Variants in SLC8A1 observed in about 807,000 individuals in gnomAD.
The protein encoded by SLC8A1 is sodium/calcium exchanger 1.
SLC8A1 carries 18 observed loss-of-function variants against 68.3 expected under a neutral mutation model. The observed-to-expected ratio is 0.26, with a 90% CI of 0.18 to 0.39. The LOEUF (loss-of-function observed/expected upper bound fraction) is 0.39. Ranked by LOEUF, SLC8A1 falls within the 10% of genes least tolerant of loss-of-function variation. The pLI, the probability that SLC8A1 is intolerant of heterozygous loss-of-function variation, is 1.00. For missense variants in SLC8A1, 985 were observed against 1,156.7 expected (o/e 0.85, Z 2.15); for synonymous variants, 475 against 415.5 (o/e 1.14, Z -1.74).
chr2:40,438,138 A>T (rs1436310095), intron 1 of SLC8A1, among the ~76,000 whole-genome samples: 1 of 152,178 alleles, frequency 6.6e-6, no homozygotes, highest in Non-Finnish European at 1.5e-5. Flanking sequence ...ATGAGCTCCC[A>T]GAGGCAGAGC....
intron 2 of SLC8A1, among the ~76,000 whole-genome samples, chr2:40,298,933 C>T (rs1315463372): frequency 6.6e-6 from 1 of 152,150 alleles, no homozygotes; most frequent in Non-Finnish European, 1.5e-5. Context: ...CTGACCCCAC[C>T]CCTTTAATCT....
At chr2:40,223,507 A>AGACACTC (rs2058605479) in intron 2 of SLC8A1, 2 of 152,104 alleles carry the variant, frequency 1.3e-5, no homozygotes, top group African/African-American at 2.4e-5. Flanking sequence ...CCAGAACTTA[A>AGACACTC]AGTATATATT....
chr2:40,368,135 C>T (rs1305758775), intron 2 of SLC8A1, among the ~76,000 whole-genome samples: 1 of 151,934 alleles, frequency 6.6e-6, no homozygotes, highest in African/African-American at 2.4e-5. Flanking sequence ...TTGATAAAAA[C>T]GTTAAAGATA....
chr2:40,146,880 A>C (rs570573045), intron 6 of SLC8A1, among the ~76,000 whole-genome samples: 1 of 152,232 alleles, frequency 6.6e-6, no homozygotes, highest in East Asian at 1.9e-4. Context: ...GACTAGTGCT[A>C]CTTCTTAAGG....
upstream of SLC8A1, among the ~76,000 whole-genome samples, chr2:40,455,552 A>G (rs1253879457): frequency 9.0e-6 from 1 of 111,508 alleles, no homozygotes; most frequent in Non-Finnish European, 2.1e-5. Context: ...AGAAAATGTT[A>G]TTACATAATA....
At chr2:40,405,615 G>C (rs1423327825) in intron 2 of SLC8A1, among the ~76,000 whole-genome samples, 1 of 152,136 alleles carries the variant, frequency 6.6e-6, no homozygotes, top group East Asian at 1.9e-4. Context: ...CTTGCATGGT[G>C]GTTTATGGTT....
At chr2:40,354,036 T>C (rs1485273272) in intron 2 of SLC8A1, among the ~76,000 whole-genome samples, 1 of 152,206 alleles carries the variant, frequency 6.6e-6, no homozygotes, top group African/African-American at 2.4e-5. Flanking sequence ...CTTGTGCAGA[T>C]GTTTTTATAG....
At chr2:40,504,745 T>C (rs1706262279) in intron 1 of SLC8A1, among the ~76,000 whole-genome samples, 1 of 151,712 alleles carries the variant, frequency 6.6e-6, no homozygotes, top group South Asian at 2.1e-4. Flanking sequence ...GAAATGCAAA[T>C]CAAAACTAAA....
chr2:40,440,812 A>G (rs892826040), intron 1 of SLC8A1, among the ~76,000 whole-genome samples: 12 of 152,226 alleles, frequency 7.9e-5, no homozygotes, highest in African/African-American at 2.9e-4. Context: ...GCAAGCCAAT[A>G]GCCAATATCA....
intron 2 of SLC8A1, among the ~76,000 whole-genome samples, chr2:40,378,419 C>G (rs948199663): frequency 6.6e-6 from 1 of 152,064 alleles, no homozygotes; most frequent in African/African-American, 2.4e-5. Context: ...CCTAGAAAAA[C>G]TGAAGGAAGC....
At chr2:40,310,870 C>T (rs1429736150) in intron 2 of SLC8A1, among the ~76,000 whole-genome samples, 1 of 152,086 alleles carries the variant, frequency 6.6e-6, no homozygotes, top group Non-Finnish European at 1.5e-5. Flanking sequence ...TACCCTTATA[C>T]TATGTGACAA....
intron 2 of SLC8A1, among the ~76,000 whole-genome samples, chr2:40,380,886 G>A (rs1172525017): frequency 6.6e-6 from 1 of 152,066 alleles, no homozygotes; most frequent in Non-Finnish European, 1.5e-5. Flanking sequence ...AAATCACCCT[G>A]CGTATGGGAT....
chr2:40,396,824 G>C (rs1357782000), intron 2 of SLC8A1, among the ~76,000 whole-genome samples: 1 of 146,252 alleles, frequency 6.8e-6, no homozygotes, highest in Non-Finnish European at 1.5e-5. Context: ...TGTAGTTGCT[G>C]TATCAATGAC....
At position 40,368,185 on chromosome 2, in the gene SLC8A1, A is replaced by T. The variant is rs148732187; in HGVS notation, c.1808+60288T>A. Among the ~76,000 whole-genome samples, 851 of 152,180 alleles carry T rather than the reference A, an allele frequency of 5.6e-3. 5 individuals carry two copies. Among genetic ancestry groups the T allele is most frequent in the African/African-American group, 0.019 (797 of 41,554 alleles). On this transcript the variant is annotated intron_variant, in intron 2 of 7. Transcript: ENST00000406785. Reference sequence around the variant, plus strand: ...CTAACACTTTTTCTAAGGACCACTCATGGTTTGATGGTGAACCAGTTATCA... The same window carrying T: ...CTAACACTTTTTCTAAGGACCACTCTTGGTTTGATGGTGAACCAGTTATCA...
chr2:40,489,489 G>C (rs1000664525), intron 1 of SLC8A1, among the ~76,000 whole-genome samples: 3 of 152,088 alleles, frequency 2.0e-5, no homozygotes, highest in Non-Finnish European at 4.4e-5. Context: ...CCACCGAAAA[G>C]TCTGTTCTCA....
At chr2:40,281,310 G>T (rs549167496) in intron 2 of SLC8A1, among the ~76,000 whole-genome samples, 5 of 152,284 alleles carry the variant, frequency 3.3e-5, no homozygotes, top group Non-Finnish European at 7.3e-5. Context: ...CAGCTGGAAT[G>T]AGAGAAATGG....
At chr2:40,186,434 A>G (rs2050718764) in intron 2 of SLC8A1, among the ~76,000 whole-genome samples, 1 of 152,160 alleles carries the variant, frequency 6.6e-6, no homozygotes, top group African/African-American at 2.4e-5. Context: ...AGGAGCAGTC[A>G]GAGAAGATCC....
At chr2:40,342,489 G>A (rs1351703552) in intron 2 of SLC8A1, among the ~76,000 whole-genome samples, 1 of 143,780 alleles carries the variant, frequency 7.0e-6, no homozygotes, top group African/African-American at 2.4e-5. Flanking sequence ...GAAAAGAATA[G>A]TAGTAAAAAG....
intron 2 of SLC8A1, among the ~76,000 whole-genome samples, chr2:40,320,008 T>C (rs2074991932): frequency 6.6e-6 from 1 of 152,088 alleles, no homozygotes; most frequent in South Asian, 2.1e-4. Flanking sequence ...AGCTGTTACA[T>C]GGAAATAGAA....
Sources: gnomAD v4.1 joint callset for allele counts (sites outside exome capture counted in the v4.1 genomes callset) on GRCh38, gnomAD v4.1.1 for gene constraint, MANE v1.5 for transcripts, NCBI Gene and HGNC (gene_info 2026-07-23, HGNC 2026-07-21) for gene names.